SETD1B: variants seen among roughly 807,000 people sequenced by gnomAD.
SETD1B encodes the protein histone-lysine N-methyltransferase SETD1B.
Under a neutral mutation model 148.0 loss-of-function variants are expected in SETD1B, and 7 were observed. The observed-to-expected ratio is 0.05, with a 90% CI of 0.03 to 0.09. The LOEUF is 0.09. Among genes scored for constraint, SETD1B ranks in the 10% least tolerant of loss-of-function variants. The probability of loss-of-function intolerance (pLI) is 1.00; values close to 1 mark genes in which losing one functional copy is unlikely to be tolerated. For missense variants in SETD1B, 2,155 were observed against 2,729.9 expected, an observed-to-expected ratio of 0.79 and a Z score of 4.69; for synonymous variants, 1,361 against 1,186.5, an observed-to-expected ratio of 1.15 and a Z score of -3.02.
chr12:121,823,481 G>C lies in SETD1B; in HGVS notation c.4902G>C (p.Glu1634Asp), dbSNP rs1363358605. 1.3e-6 allele frequency: 2 copies of C among 1,550,532 alleles called. No homozygotes were observed. The highest frequency in any genetic ancestry group is 2.4e-5 in the South Asian group (2 of 84,054). ...ATGAGGTCACTGAGGAATACATGGA[G>C]TTGGCCAAGAGCCGGGGGCCGTGGC... is the stretch of plus-strand genomic sequence containing the variant. ...GRDEVTEEYM[E>D]LAKSRGPWRR... Residue 1634 changes from glutamate (E) to aspartate (D), a missense_variant, in exon 12 of 17, where the codon GAG becomes GAC. This residue lies in a region of SETD1B where 862 missense variants were observed against 873.8 expected (regional missense o/e 0.99). Transcript: ENST00000604567.
chr12:121,827,673 T>C (rs1876904534), intron 14 of SETD1B, 23 bp downstream of exon 14: 1 of 1,551,558 alleles, frequency 6.4e-7, no homozygotes, highest in Admixed American at 2.0e-5. Flanking sequence ...TTCACCCAGA[T>C]CGCCGGGGTG....
Position 121,823,355 on chromosome 12 carries a change from ACCCCCACCT to A in SETD1B, c.4786_4794del (p.Pro1596_Pro1598del). On this transcript the variant is annotated inframe_deletion, in exon 12 of 17. Transcript: ENST00000604567. ...CACCCCTTCCCCCCCAGCCACCCCC[ACCCCCACCT>A]CCCCCACCTGTAGAGCCCACCAAGC... 2 of 189,530 alleles carry A rather than the reference ACCCCCACCT, an allele frequency of 1.1e-5. No homozygotes were observed. The highest frequency in any genetic ancestry group is 1.4e-4 in the African/African-American group (1 of 7,060). The allele number at this position is 189,530 out of a possible 1,614,324, so 11.7% of individuals were successfully genotyped here. A position where few individuals can be genotyped will look rare whatever the true frequency, so the allele number is the denominator to read the frequency against.
Position 121,814,552 on chromosome 12 carries a change from G to T in SETD1B, c.2337G>T (p.Thr779=). The change falls in exon 7 of 17, where the codon ACG becomes ACT. Residue 779 remains threonine, a synonymous_variant. Transcript: ENST00000604567. ...TGCCCATGTCCTTCCAGATGCAAAC[G>T]CAGGTGCTCAGCCGGCTGATGACGG... ...GGMPMSFQMQ[T]QVLSRLMTGQ... is the part of the protein sequence containing the mutation. 1 of 1,494,510 alleles carries T rather than the reference G, an allele frequency of 6.7e-7. No individual in the cohort carries two copies. 92.6% of individuals were successfully genotyped at this position (1,494,510 alleles called of 1,614,324 possible).
At position 121,817,729 on chromosome 12, in the gene SETD1B, A is replaced by G. The variant is rs1427473898; in HGVS notation, c.3312+25A>G. On this transcript the variant is annotated intron_variant, in intron 9 of 16. Coordinates refer to ENST00000604567, the MANE Select transcript of SETD1B (RefSeq NM_001353345.2). This position sits in a 1 kb window ranked among gnomAD's most constrained non-coding sequence, Gnocchi z 8.1. ...GGTGCCTAGCAGGCCAGGAAGCCTC[A>G]GGGGGCCGGGCCAGGCGACGAGGGC... The G allele has an allele frequency of 6.5e-7, 1 of 1,538,686 alleles. No homozygotes were observed. The highest frequency in any genetic ancestry group is 2.0e-5 in the Admixed American group (1 of 50,512).
chr12:121,802,422 C>T (rs1875427528), upstream of SETD1B: 1 of 152,144 alleles, frequency 6.6e-6, no homozygotes, highest in Admixed American at 6.5e-5. Context: ...GCTGCCATTT[C>T]GCTAGTCCTA....
In SETD1B at chr12:121,830,026, G is replaced by T; in HGVS notation, c.5728-40G>T. 2 of 1,532,686 alleles carry T rather than the reference G, an allele frequency of 1.3e-6. No individual in the cohort carries two copies. 94.9% of individuals were successfully genotyped at this position (1,532,686 alleles called of 1,614,324 possible). On this transcript the variant is annotated intron_variant, in intron 16 of 16. Transcript: ENST00000604567. The surrounding 1 kb of genome is among the most constrained non-coding windows in gnomAD (Gnocchi z 5.7). Reference sequence around the variant, plus strand: ...GGGTCTGCAGTGGTGGGGGACCCTGGGGGACCAGGGGCTCATTCTCCCCCC... The same window carrying T: ...GGGTCTGCAGTGGTGGGGGACCCTGTGGGACCAGGGGCTCATTCTCCCCCC...
At position 121,822,963 on chromosome 12, in the gene SETD1B, C is replaced by G; in HGVS notation, c.4384C>G (p.Leu1462Val). The G allele has an allele frequency of 6.5e-7, 1 of 1,538,720 alleles. No individual in the cohort carries two copies. The highest frequency in any genetic ancestry group is 8.8e-7 in the Non-Finnish European group (1 of 1,142,220). Residue 1462 changes from leucine to valine, a missense_variant, in exon 12 of 17, where the codon CTG (leucine) becomes GTG (valine). Leu to Val is a conservative substitution (Grantham distance 32, BLOSUM62 1). Coordinates refer to ENST00000604567, the MANE Select transcript of SETD1B (RefSeq NM_001353345.2). ...CCGACGCGATGAACGCTCCGGGCCC[C>G]TGGCCTCCCCGGTGCTCCTGGAGAC... ...TGRRDERSGP[L>V]ASPVLLETGL... is the part of the protein sequence containing the mutation.
At chr12:121,795,721 G>A in the SETD1B span, 1 of 153,000 alleles carries the variant, frequency 6.5e-6, no homozygotes, top group Admixed American at 6.5e-5. Flanking sequence ...AGGGAGCCAA[G>A]GCACTCTAAG....
rs771402856 is a variant in SETD1B, at chr12:121,828,080, C to G, written c.5727+10C>G. 1.5e-5 allele frequency: 24 copies of G among 1,551,512 alleles called. No homozygotes were observed. The South Asian group carries it at 2.9e-4, about 18-fold the overall frequency. Reference sequence around the variant, plus strand: ...CAACCACAGCTGCAACGTGAGTGCCCAGCGGGGGGTGGCCCCTGCCCCTGC... The same window carrying G: ...CAACCACAGCTGCAACGTGAGTGCCGAGCGGGGGGTGGCCCCTGCCCCTGC... On this transcript the variant is annotated intron_variant, in intron 16 of 16. Coordinates refer to ENST00000604567, the MANE Select transcript of SETD1B (RefSeq NM_001353345.2).
the SETD1B span, among the ~76,000 whole-genome samples, chr12:121,791,204 C>A: frequency 6.6e-6 from 1 of 152,156 alleles, no homozygotes; most frequent in Non-Finnish European, 1.5e-5. Context: ...CGGCTCACTG[C>A]AACCTCTGCC....
Position 121,830,254 on chromosome 12 carries a change from C to G in SETD1B, c.*15C>G. 6.5e-7 allele frequency: 1 copy of G among 1,547,774 alleles called. No homozygotes were observed. The highest frequency in any genetic ancestry group is 8.7e-7 in the Non-Finnish European group (1 of 1,145,706). On this transcript the variant is annotated 3_prime_UTR_variant, in exon 17 of 17. Transcript: ENST00000604567. The surrounding 1 kb of genome is among the most constrained non-coding windows in gnomAD (Gnocchi z 5.7). ...CCCTCAACTAGGCCCCGGCACCAGACTCAAAGGATGTCAGCCGTAGCCCTG... is the reference window on the plus strand; with the variant it reads ...CCCTCAACTAGGCCCCGGCACCAGAGTCAAAGGATGTCAGCCGTAGCCCTG...
chr12:121,797,456 C>T, the SETD1B span: 8 of 456,418 alleles, frequency 1.8e-5, no homozygotes, highest in South Asian at 1.1e-4. Context: ...CCCTCCCTGC[C>T]CCAAGAGGTG....
At chr12:121,807,194 G>C (rs768859960) in intron 4 of SETD1B, among the ~76,000 whole-genome samples, 1 of 152,028 alleles carries the variant, frequency 6.6e-6, no homozygotes, top group Non-Finnish European at 1.5e-5. Context: ...GTTATTCCAC[G>C]CACACTTGCC....
At chr12:121,793,789 C>G in the SETD1B span, 4 of 594,316 alleles carry the variant, frequency 6.7e-6, no homozygotes, top group African/African-American at 2.0e-5. Flanking sequence ...AGTTTCCTTT[C>G]TGCTAAGGTC....
chr12:121,817,272 C>T lies in SETD1B; in HGVS notation c.2955C>T (p.Thr985=). ...SGDQKRLRPS[T]SVDEEDEESE... is the part of the protein sequence containing the mutation. ...ACCAGAAGCGGCTGCGGCCCTCGAC[C>T]TCTGTGGATGAGGAAGATGAAGGTT... Residue 985 remains threonine (T), a synonymous_variant, in exon 8 of 17, where the codon ACC becomes ACT. Transcript: ENST00000604567. The surrounding 1 kb of genome is among the most constrained non-coding windows in gnomAD (Gnocchi z 8.1). The T allele has an allele frequency of 6.4e-7, 1 of 1,550,868 alleles. No individual in the cohort carries two copies. Among genetic ancestry groups the T allele is most frequent in the East Asian group, 2.4e-5 (1 of 40,908 alleles).
Position 121,822,657 on chromosome 12 carries a change from C to G in SETD1B, c.4078C>G (p.Pro1360Ala), listed in dbSNP as rs923814114. 2 of 1,550,632 alleles carry G rather than the reference C, an allele frequency of 1.3e-6. No homozygotes were observed. Among genetic ancestry groups the G allele is most frequent in the African/African-American group, 1.4e-5 (1 of 73,002 alleles). ...VPPEPLAEDH[P>A]PHTPGLCGSL... is the part of the protein sequence containing the mutation. ...TCCGGAGCCCCTTGCCGAGGACCAC[C>G]CCCCGCATACTCCAGGCCTCTGTGG... The change falls in exon 12 of 17, where the codon CCC (proline) becomes GCC (alanine). Residue 1360 changes from proline to alanine, a missense_variant. Transcript: ENST00000604567.
Position 121,809,877 on chromosome 12 carries a change from G to A in SETD1B, c.932G>A (p.Arg311Gln), listed in dbSNP as rs1166853714. Residue 311 changes from arginine (R) to glutamine (Q), a missense_variant, in exon 6 of 17, where the codon CGG (arginine) becomes CAG (glutamine). Coordinates refer to ENST00000604567, the MANE Select transcript of SETD1B (RefSeq NM_001353345.2). ...SQDPAVTFKARRHESKFTDAY... is the reference protein window; with the variant it reads ...SQDPAVTFKAQRHESKFTDAY... The stretch of plus-strand genomic sequence containing the variant: ...GACCCTGCAGTGACCTTCAAGGCCC[G>A]GCGCCACGAGAGCAAGTTCACGGAC... 2.6e-6 allele frequency: 4 copies of A among 1,550,950 alleles called. No individual in the cohort carries two copies. The highest frequency in any genetic ancestry group is 2.0e-5 in the Admixed American group (1 of 50,976).
At position 121,819,585 on chromosome 12, in the gene SETD1B, C is replaced by T; in HGVS notation, c.3600C>T (p.Ser1200=). ...AGGAGGAGATGGTGGCCGAGGAAAG[C>T]ATGGCTTCTGCAGGCCCTGAGGACT... The part of the protein sequence containing the change: ...EEEEEMVAEE[S]MASAGPEDFE... Residue 1200 remains serine (S), a synonymous_variant, in exon 11 of 17, where the codon AGC becomes AGT. Transcript: ENST00000604567. 6.4e-7 allele frequency: 1 copy of T among 1,552,356 alleles called. No individual in the cohort carries two copies. The highest frequency in any genetic ancestry group is 8.7e-7 in the Non-Finnish European group (1 of 1,147,234).
the SETD1B span, chr12:121,797,388 T>G: frequency 2.2e-6 from 1 of 447,246 alleles, no homozygotes; most frequent in Non-Finnish European, 4.5e-6. Context: ...GGGTGACCGG[T>G]GGGCGGGGCG....
Sources: gnomAD v4.1 joint callset for allele counts (sites outside exome capture counted in the v4.1 genomes callset) on GRCh38, gnomAD v4.1.1 for gene constraint, gnomAD v4.1.1 regional missense constraint, Gnocchi (gnomAD v3.1) non-coding constraint, MANE v1.5 for transcripts, NCBI Gene and HGNC (gene_info 2026-07-23, HGNC 2026-07-21) for gene names.